The following NRG3 variants were observed in gnomAD, a reference collection of about 807,000 sequenced individuals.
The protein encoded by NRG3 is pro-neuregulin-3, membrane-bound isoform.
Under a neutral mutation model 66.9 loss-of-function variants are expected in NRG3, and 31 were observed. The observed-to-expected ratio is 0.46, with a 90% CI of 0.35 to 0.63. The LOEUF is 0.63. Among genes scored for constraint, NRG3 ranks in the 20% least tolerant of loss-of-function variants. The probability of loss-of-function intolerance (pLI) is 0.00; values close to 1 mark genes in which losing one functional copy is unlikely to be tolerated. For synonymous variants in NRG3, 393 were observed against 359.4 expected, an observed-to-expected ratio of 1.09 and a Z score of -1.06; for missense variants, 910 against 878.9, an observed-to-expected ratio of 1.04 and a Z score of -0.45.
At chr10:81,928,062 G>A (rs1031555265) in intron 1 of NRG3, among the ~76,000 whole-genome samples, 2 of 152,116 alleles carry the variant, frequency 1.3e-5, no homozygotes, top group Admixed American at 6.6e-5. Flanking sequence ...CACAGCTTGG[G>A]TTCAAACAGA....
intron 1 of NRG3, chr10:81,877,741 T>C (rs1254531904): frequency 7.3e-6 from 10 of 1,366,394 alleles, no homozygotes; most frequent in Non-Finnish European, 9.4e-6. Flanking sequence ...GTAGAGCCAG[T>C]AACTTGCTGC....
chr10:82,444,777 AT>A (rs1253344812), intron 2 of NRG3, among the ~76,000 whole-genome samples: 2 of 152,152 alleles, frequency 1.3e-5, no homozygotes, highest in African/African-American at 4.8e-5. Context: ...GATTGCCTCT[AT>A]TTTCAGGTAT....
chr10:82,781,194 G>A lies in NRG3; in HGVS notation c.1027+42544G>A, dbSNP rs566298947. Reference sequence around the variant, plus strand: ...TCTCAGAGTCCTCCTATGGTTGTCTGTTGTGTTATCTTTAAGGTTTATAAT... The same window carrying A: ...TCTCAGAGTCCTCCTATGGTTGTCTATTGTGTTATCTTTAAGGTTTATAAT... On this transcript the variant is annotated intron_variant, in intron 3 of 8. Transcript: ENST00000372141. 2.6e-5 allele frequency among the ~76,000 whole-genome samples: 4 copies of A among 152,274 alleles called. No homozygotes were observed. The South Asian group carries it at 8.3e-4, about 32-fold the overall frequency.
At chr10:82,641,839 G>C (rs572487677) in intron 2 of NRG3, among the ~76,000 whole-genome samples, 1 of 152,182 alleles carries the variant, frequency 6.6e-6, no homozygotes, top group South Asian at 2.1e-4. Flanking sequence ...GTTTTAAATT[G>C]TCTTTATTTG....
At chr10:82,520,738 G>C (rs534101440) in intron 2 of NRG3, among the ~76,000 whole-genome samples, 1 of 152,272 alleles carries the variant, frequency 6.6e-6, no homozygotes, top group Admixed American at 6.5e-5. Flanking sequence ...TCCCACTCTA[G>C]GGGAAAATTT....
chr10:82,174,358 T>A (rs1422721253), intron 1 of NRG3, among the ~76,000 whole-genome samples: 1 of 152,114 alleles, frequency 6.6e-6, no homozygotes, highest in Non-Finnish European at 1.5e-5. Context: ...AAATTTTCCT[T>A]GTTTCCTCTT....
chr10:82,983,730 CTGT>C (rs1336656152), intron 8 of NRG3, among the ~76,000 whole-genome samples: 4 of 152,138 alleles, frequency 2.6e-5, no homozygotes, highest in African/African-American at 9.7e-5. Flanking sequence ...CAGATGTTAG[CTGT>C]TGTTATTAAG....
At chr10:82,438,025 G>C (rs535564616) in intron 2 of NRG3, among the ~76,000 whole-genome samples, 1 of 152,344 alleles carries the variant, frequency 6.6e-6, no homozygotes, top group Middle Eastern at 3.4e-3. Context: ...GTCTCACCCA[G>C]TTGGGTAGGA....
intron 4 of NRG3, among the ~76,000 whole-genome samples, chr10:82,947,224 C>CT (rs1201124613): frequency 6.6e-6 from 1 of 152,094 alleles, no homozygotes; most frequent in Non-Finnish European, 1.5e-5. Context: ...TGTTTGCTGT[C>CT]TGATTTATTG....
At chr10:82,257,499 G>T (rs980840548) in intron 1 of NRG3, among the ~76,000 whole-genome samples, 1 of 152,194 alleles carries the variant, frequency 6.6e-6, no homozygotes, top group Admixed American at 6.5e-5. Flanking sequence ...GCCGAGCGTG[G>T]TGGCTCATGC....
At chr10:82,106,726 G>C (rs987138179) in intron 1 of NRG3, among the ~76,000 whole-genome samples, 1 of 151,998 alleles carries the variant, frequency 6.6e-6, no homozygotes, top group East Asian at 1.9e-4. Flanking sequence ...GGCTGGTCTC[G>C]AACTCCTGAC....
intron 1 of NRG3, among the ~76,000 whole-genome samples, chr10:82,236,456 G>A (rs1210746005): frequency 6.6e-6 from 1 of 152,170 alleles, no homozygotes; most frequent in Admixed American, 6.5e-5. Flanking sequence ...CGTGATTTCA[G>A]ATCCCCTCAT....
At chr10:81,986,154 T>TGA (rs1182188018) in intron 1 of NRG3, among the ~76,000 whole-genome samples, 3 of 152,212 alleles carry the variant, frequency 2.0e-5, no homozygotes, top group Non-Finnish European at 4.4e-5. Flanking sequence ...AAGCCAGGAA[T>TGA]TATTTTTCTA....
intron 2 of NRG3, among the ~76,000 whole-genome samples, chr10:82,722,539 A>G (rs1481382012): frequency 6.6e-6 from 1 of 152,170 alleles, no homozygotes; most frequent in African/African-American, 2.4e-5. Flanking sequence ...AGATGTGGTC[A>G]TAATGAAAAG....
chr10:82,962,915 A>C (rs539749878), intron 6 of NRG3, among the ~76,000 whole-genome samples: 1 of 152,296 alleles, frequency 6.6e-6, no homozygotes, highest in South Asian at 2.1e-4. Flanking sequence ...GTGAAAAGGC[A>C]CATATTTATC....
At chr10:82,808,207 A>G (rs2135484259) in intron 3 of NRG3, among the ~76,000 whole-genome samples, 1 of 152,022 alleles carries the variant, frequency 6.6e-6, no homozygotes, top group East Asian at 1.9e-4. Flanking sequence ...GTAAAAAAAA[A>G]AAAGCACAGT....
chr10:82,786,026 C>G (rs2060346485), intron 3 of NRG3, among the ~76,000 whole-genome samples: 1 of 152,178 alleles, frequency 6.6e-6, no homozygotes, highest in East Asian at 1.9e-4. Context: ...TGAGCCAAGA[C>G]AGAGGCTTGT....
At chr10:82,484,761 A>G (rs1286293706) in intron 2 of NRG3, among the ~76,000 whole-genome samples, 1 of 152,222 alleles carries the variant, frequency 6.6e-6, no homozygotes, top group Non-Finnish European at 1.5e-5. Flanking sequence ...TTCCTAGTAC[A>G]GTCACAATGT....
intron 1 of NRG3, among the ~76,000 whole-genome samples, chr10:82,261,106 C>A (rs1031609110): frequency 2.6e-5 from 4 of 152,098 alleles, no homozygotes; most frequent in Admixed American, 2.6e-4. Flanking sequence ...TGTCCCCACC[C>A]AAAATCTCAC....
Sources: allele counts gnomAD v4.1 joint callset (sites outside exome capture counted in the v4.1 genomes callset), GRCh38; gene constraint gnomAD v4.1.1; transcripts MANE v1.5; gene names NCBI Gene and HGNC (gene_info 2026-07-23, HGNC 2026-07-21).